GRIP2: variants seen among roughly 807,000 people sequenced by gnomAD.
GRIP2 encodes the protein glutamate receptor interacting protein 2.
A neutral mutation model predicts 108.3 loss-of-function variants in GRIP2; 58 were observed. The observed-to-expected ratio is 0.54, with a 90% CI of 0.43 to 0.67. The LOEUF (loss-of-function observed/expected upper bound fraction) is 0.67. GRIP2 is among the 30% of genes least tolerant of loss of function. The pLI is 0.00. For missense variants in GRIP2, 1,278 were observed against 1,430.6 expected (o/e 0.89, Z 1.72); for synonymous variants, 586 against 598.2 (o/e 0.98, Z 0.30).
At chr3:14,519,138 C>T (rs768155539) in intron 9 of GRIP2, among the ~76,000 whole-genome samples, 1 of 152,204 alleles carries the variant, frequency 6.6e-6, no homozygotes, top group Non-Finnish European at 1.5e-5. Flanking sequence ...GAATGAATGA[C>T]GCTGTTTCAA....
the GRIP2 span, among the ~76,000 whole-genome samples, chr3:14,568,111 G>A: frequency 6.6e-6 from 1 of 152,226 alleles, no homozygotes; most frequent in Admixed American, 6.5e-5. Flanking sequence ...GGGCCAGGTT[G>A]GCTGCAGTGA....
chr3:14,503,927 G>A (rs1409367694), intron 20 of GRIP2: 7 of 514,756 alleles, frequency 1.4e-5, no homozygotes, highest in Middle Eastern at 5.3e-4. Context: ...CAGATGAGAC[G>A]GGGTGGAGAG....
chr3:14,566,927 C>T, the GRIP2 span, among the ~76,000 whole-genome samples: 1 of 152,096 alleles, frequency 6.6e-6, no homozygotes, highest in East Asian at 1.9e-4. Context: ...GTCCAATAAT[C>T]AAAGGTAGGG....
chr3:14,495,656 C>CA (rs1329212662), intron 22 of GRIP2, among the ~76,000 whole-genome samples: 1 of 152,124 alleles, frequency 6.6e-6, no homozygotes, highest in Admixed American at 6.5e-5. Flanking sequence ...CCACCCACCT[C>CA]AGCCTCCCAA....
chr3:14,556,126 A>C (rs1197438093), upstream of GRIP2: 1 of 396,572 alleles, frequency 2.5e-6, no homozygotes, highest in East Asian at 3.6e-5. Flanking sequence ...CCCCGGAGCC[A>C]GCGGTGGCAT....
At position 14,513,727 on chromosome 3, in the gene GRIP2, T is replaced by C. The variant is rs1446706997; in HGVS notation, c.1577A>G (p.Gln526Arg). 1.2e-6 allele frequency: 2 copies of C among 1,611,060 alleles called. No individual in the cohort carries two copies. Among genetic ancestry groups the C allele is most frequent in the Non-Finnish European group, 1.7e-6 (2 of 1,178,812 alleles). The change falls in exon 13 of 24, where the codon CAG becomes CGG. Residue 526 changes from glutamine (Q) to arginine (R), a missense_variant. Coordinates refer to ENST00000621039, the MANE Select transcript of GRIP2 (RefSeq NM_001080423.4). ...TEDGTMEEAN[Q>R]LLRDAALAHK... ...GGCCAGTGCGGCGTCCCGCAGGAGCTGGTTGGCTTCCTCCATAGTCCCGTC... is the reference window on the plus strand; with the variant it reads ...GGCCAGTGCGGCGTCCCGCAGGAGCCGGTTGGCTTCCTCCATAGTCCCGTC...
In GRIP2 at chr3:14,493,807, C is replaced by A; in HGVS notation, c.2990G>T (p.Arg997Leu). 6.2e-7 allele frequency: 1 copy of A among 1,612,686 alleles called. No individual in the cohort carries two copies. Among genetic ancestry groups the A allele is most frequent in the Non-Finnish European group, 8.5e-7 (1 of 1,179,056 alleles). ...CACCGCCAGGCAGCAGTCGAAGTCC[C>A]GTGTACGGACGTGGTTGACCTGCAT... ...RVLQVNHVRTRDFDCCLAVPL... is the reference protein window; with the variant it reads ...RVLQVNHVRTLDFDCCLAVPL... The change falls in exon 24 of 24, where the codon CGG (arginine) becomes CTG (leucine). Residue 997 changes from arginine (R) to leucine (L), a missense_variant. By Grantham distance (102) the Arg-to-Leu change is moderately radical (BLOSUM62 -2). Coordinates refer to ENST00000621039, the MANE Select transcript of GRIP2 (RefSeq NM_001080423.4).
the GRIP2 span, among the ~76,000 whole-genome samples, chr3:14,597,603 C>T: frequency 2.6e-5 from 4 of 152,274 alleles, no homozygotes; most frequent in South Asian, 4.1e-4. Flanking sequence ...CAGGCTGCTG[C>T]CTTAGAAAGC....
intron 1 of GRIP2, among the ~76,000 whole-genome samples, chr3:14,528,519 G>A (rs1232812274): frequency 6.6e-6 from 1 of 152,170 alleles, no homozygotes; most frequent in Non-Finnish European, 1.5e-5. Flanking sequence ...TTCAATCGCT[G>A]TGCATCCTCA....
chr3:14,580,953 C>A, the GRIP2 span, among the ~76,000 whole-genome samples: 3 of 152,244 alleles, frequency 2.0e-5, no homozygotes, highest in Non-Finnish European at 4.4e-5. Flanking sequence ...AAGGCTGCAA[C>A]ATAGAGACCC....
intron 1 of GRIP2, among the ~76,000 whole-genome samples, chr3:14,531,698 G>C (rs1339265944): frequency 1.3e-5 from 2 of 152,216 alleles, no homozygotes; most frequent in East Asian, 1.9e-4. Flanking sequence ...GCTCAGAAAA[G>C]GGAGGTCTTT....
At position 14,517,955 on chromosome 3, in the gene GRIP2, A is replaced by T. The variant is rs1278145511; in HGVS notation, c.1031-58T>A. The T allele has an allele frequency of 9.5e-6, 14 of 1,466,876 alleles. No homozygotes were observed. In the Admixed American group the frequency reaches 3.7e-4, roughly 39 times the overall value. 90.9% of individuals were successfully genotyped at this position (1,466,876 alleles called of 1,614,324 possible). On this transcript the variant is annotated intron_variant, in intron 9 of 23. Transcript: ENST00000621039. ...GCAGGCGTTAGTGGCTGAGGGCACT[A>T]TGAAGCCAGGAAAGCAAGAACCAGA...
the GRIP2 span, among the ~76,000 whole-genome samples, chr3:14,577,811 C>T: frequency 2.0e-5 from 3 of 152,218 alleles, 1 homozygote; most frequent in South Asian, 6.2e-4. Context: ...TAGCAGGGCA[C>T]TGGCACACAG....
At chr3:14,513,526 TA>T in intron 13 of GRIP2, 138 bp downstream of exon 13, 1 of 1,178,822 alleles carries the variant, frequency 8.5e-7, no homozygotes, top group Non-Finnish European at 1.2e-6. Context: ...CTTCCCACTA[TA>T]AGCTGCAAAG....
chr3:14,523,152 C>T, intron 5 of GRIP2, 77 bp from the exon 6 acceptor site: 1 of 1,062,266 alleles, frequency 9.4e-7, no homozygotes, highest in Non-Finnish European at 1.4e-6. Flanking sequence ...AGCCCCTGAG[C>T]AGGCTCCTTC....
At chr3:14,540,482 T>G, upstream of GRIP2, 1 of 1,458,742 alleles carries the variant, frequency 6.9e-7, no homozygotes, top group African/African-American at 1.4e-5. This position sits in a 1 kb window ranked among gnomAD's most constrained non-coding sequence, Gnocchi z 4.1. Flanking sequence ...ACATGGCTAT[T>G]GTCAAGGCTG....
chr3:14,528,667 G>A, intron 1 of GRIP2, among the ~76,000 whole-genome samples: 1 of 150,876 alleles, frequency 6.6e-6, no homozygotes. Context: ...ACCAGCCTGG[G>A]CAACACAGCA....
intron 1 of GRIP2, among the ~76,000 whole-genome samples, chr3:14,536,548 A>C (rs1220909554): frequency 6.6e-6 from 1 of 152,152 alleles, no homozygotes; most frequent in African/African-American, 2.4e-5. Flanking sequence ...GGCTAGCAGG[A>C]CCCATGGCAT....
the GRIP2 span, among the ~76,000 whole-genome samples, chr3:14,600,335 C>T: frequency 1.3e-5 from 2 of 152,204 alleles, no homozygotes; most frequent in Non-Finnish European, 2.9e-5. Context: ...GATATGTTAG[C>T]ATTGACTCTT....
Sources: allele counts gnomAD v4.1 joint callset (sites outside exome capture counted in the v4.1 genomes callset), GRCh38; gene constraint gnomAD v4.1.1; non-coding constraint Gnocchi (gnomAD v3.1); transcripts MANE v1.5; gene names NCBI Gene and HGNC (gene_info 2026-07-23, HGNC 2026-07-21).